The following ANKRD17 variants were observed in gnomAD, a reference collection of about 807,000 sequenced individuals.
The protein encoded by ANKRD17 is ankyrin repeat domain 17.
ANKRD17 carries 19 observed loss-of-function variants against 229.7 expected under a neutral mutation model. The observed-to-expected ratio is 0.08, with a 90% CI of 0.06 to 0.12. ANKRD17 has a LOEUF of 0.12. Among genes scored for constraint, ANKRD17 ranks in the 10% least tolerant of loss-of-function variants. ANKRD17 has a pLI of 1.00. For missense variants in ANKRD17, 2,176 were observed against 3,176.8 expected (o/e 0.68, Z 7.57); for synonymous variants, 1,112 against 1,146.1 (o/e 0.97, Z 0.60).
intron 29 of ANKRD17, among the ~76,000 whole-genome samples, chr4:73,089,317 C>T (rs1014349365): frequency 2.0e-5 from 3 of 151,706 alleles, no homozygotes; most frequent in African/African-American, 7.3e-5. Context: ...ATTACGGGCA[C>T]AAGCCACCGT....
At chr4:73,078,942 A>G (rs764674349) in intron 30 of ANKRD17, 52 bp from the exon 31 acceptor site, 19 of 1,524,040 alleles carry the variant, frequency 1.2e-5, no homozygotes, top group East Asian at 2.3e-5. Flanking sequence ...AGAACATGTA[A>G]TTTTATAAAA....
chr4:73,191,939 T>C (rs1361669655), intron 1 of ANKRD17, among the ~76,000 whole-genome samples: 1 of 152,080 alleles, frequency 6.6e-6, no homozygotes, highest in Non-Finnish European at 1.5e-5. Context: ...GTTCTTTTTA[T>C]TTTAACAGGA....
At chr4:73,232,125 G>T (rs1278187761) in intron 1 of ANKRD17, among the ~76,000 whole-genome samples, 1 of 152,156 alleles carries the variant, frequency 6.6e-6, no homozygotes, top group Non-Finnish European at 1.5e-5. Context: ...CTGATTTATA[G>T]GCCATGGGAC....
Position 73,168,028 on chromosome 4 carries a change from T to C in ANKRD17, c.548-6680A>G, listed in dbSNP as rs542257027. On this transcript the variant is annotated intron_variant, in intron 2 of 33. Coordinates refer to ENST00000358602, the MANE Select transcript of ANKRD17 (RefSeq NM_032217.5). ...TTAGCCAGGCATGGTGGCAGACGCCTGTAGTCCCAGCTACAGCAGGAGGCT... is the reference window on the plus strand; with the variant it reads ...TTAGCCAGGCATGGTGGCAGACGCCCGTAGTCCCAGCTACAGCAGGAGGCT... Among the ~76,000 whole-genome samples, 18 of 152,156 alleles carry C rather than the reference T, an allele frequency of 1.2e-4. No individual in the cohort carries two copies. The East Asian group carries it at 3.1e-3, about 26-fold the overall frequency.
chr4:73,152,773 C>A (rs1731169536), intron 6 of ANKRD17, among the ~76,000 whole-genome samples: 1 of 152,108 alleles, frequency 6.6e-6, no homozygotes, highest in African/African-American at 2.4e-5. Flanking sequence ...CACTCCAAGG[C>A]TTACCTCCTC....
intron 2 of ANKRD17, among the ~76,000 whole-genome samples, chr4:73,174,675 A>G (rs1047777188): frequency 2.0e-5 from 3 of 152,208 alleles, no homozygotes; most frequent in African/African-American, 7.2e-5. Context: ...ATTTGGAAAA[A>G]CCTAAAGACT....
chr4:73,211,847 C>CAAAAAAAAAAAAAAAAAAAAAAATAAAAA, intron 1 of ANKRD17, among the ~76,000 whole-genome samples: 1 of 49,750 alleles, frequency 2.0e-5, no homozygotes, highest in Non-Finnish European at 4.5e-5. Flanking sequence ...AACTCTGTCT[C>CAAAAAAAAAAAAAAAAAAAAAAATAAAAA]AAAAAAAAAA....
At chr4:73,174,729 A>C (rs982965851) in intron 2 of ANKRD17, among the ~76,000 whole-genome samples, 26 of 152,342 alleles carry the variant, frequency 1.7e-4, no homozygotes, top group African/African-American at 6.3e-4. Context: ...GCAAAGTTGC[A>C]GGAAACAAAT....
At position 73,212,597 on chromosome 4, in the gene ANKRD17, TA is replaced by T. The variant is rs908751224; in HGVS notation, c.394-35065del. ...AGAACAGAGAAACTGAGAAAGATAT[TA>T]AAAAAAAAAAGTACTTGTGCAGATG... is the stretch of plus-strand genomic sequence containing the variant. On this transcript the variant is annotated intron_variant, in intron 1 of 33. Transcript: ENST00000358602. Among the ~76,000 whole-genome samples, 56 of 145,116 alleles carry T rather than the reference TA, an allele frequency of 3.9e-4. No homozygotes were observed. In the Middle Eastern group the frequency reaches 0.01, roughly 27 times the overall value.
chr4:73,116,167 A>G (rs557048716), intron 22 of ANKRD17, among the ~76,000 whole-genome samples: 30 of 152,128 alleles, frequency 2.0e-4, no homozygotes, highest in Non-Finnish European at 3.7e-4. Flanking sequence ...GAATAAAAAA[A>G]ACAATAATCC....
At chr4:73,203,859 T>TCAAGAAAAA in intron 1 of ANKRD17, among the ~76,000 whole-genome samples, 1 of 151,684 alleles carries the variant, frequency 6.6e-6, no homozygotes, top group African/African-American at 2.4e-5. Context: ...TCCACAGTCT[T>TCAAGAAAAA]CAAGAAAAAC....
chr4:73,258,788 T>G lies in ANKRD17; in HGVS notation c.-120A>C. The stretch of plus-strand genomic sequence containing the variant: ...GCCGCCTCCGCCGCCACCGCCTCGG[T>G]CACCTCTACTGCCGCCGCCGCCGCC... On this transcript the variant is annotated 5_prime_UTR_variant, in exon 1 of 34. Coordinates refer to ENST00000358602, the MANE Select transcript of ANKRD17 (RefSeq NM_032217.5). The G allele has an allele frequency of 8.7e-7, 1 of 1,149,036 alleles. No homozygotes were observed. Among genetic ancestry groups the G allele is most frequent in the Non-Finnish European group, 1.1e-6 (1 of 936,310 alleles). The allele number at this position is 1,149,036 out of a possible 1,614,324, so 71.2% of individuals were successfully genotyped here.
At chr4:73,183,252 C>G (rs1404907740) in intron 1 of ANKRD17, among the ~76,000 whole-genome samples, 5 of 152,058 alleles carry the variant, frequency 3.3e-5, no homozygotes, top group Admixed American at 3.3e-4. Flanking sequence ...GACAAGAAAT[C>G]TGAATGTGAA....
At chr4:73,086,325 A>G (rs1335217674) in intron 29 of ANKRD17, among the ~76,000 whole-genome samples, 1 of 152,184 alleles carries the variant, frequency 6.6e-6, no homozygotes, top group Non-Finnish European at 1.5e-5. Context: ...TGTGAGAGAG[A>G]AAAAGAAGAG....
rs183266972 is a variant in ANKRD17 at position 73,103,493 on chromosome 4, T to A, written c.4402-946A>T. On this transcript the variant is annotated intron_variant, in intron 24 of 33. Transcript: ENST00000358602. ...GTAGGTTTAAAAGTCCAAAAATATA[T>A]CTTAATAAACTATTTTAACTGTTAA... Among the ~76,000 whole-genome samples, 4 of 152,304 alleles carry A rather than the reference T, an allele frequency of 2.6e-5. No individual in the cohort carries two copies. In the East Asian group the frequency reaches 5.8e-4, roughly 22 times the overall value.
At position 73,078,841 on chromosome 4, in the gene ANKRD17, G is replaced by T. The variant is rs758395665; in HGVS notation, c.7209C>A (p.Ala2403=). 1 of 1,614,140 alleles carries T rather than the reference G, an allele frequency of 6.2e-7. No individual in the cohort carries two copies. The highest frequency in any genetic ancestry group is 2.2e-5 in the East Asian group (1 of 44,862). ...VSSGVRAPSP[A]PSSVPLGSEK... ...CTGACCCTAACGGTACTGATGATGG[G>T]GCAGGAGATGGTGCACGAACTCCCG... is the stretch of plus-strand genomic sequence containing the variant. The change falls in exon 31 of 34, where the codon GCC becomes GCA. Residue 2403 remains alanine (A), a synonymous_variant. Transcript: ENST00000358602.
chr4:73,086,665 G>A (rs1415091379), intron 29 of ANKRD17, among the ~76,000 whole-genome samples: 3 of 150,278 alleles, frequency 2.0e-5, no homozygotes, highest in South Asian at 4.2e-4. Flanking sequence ...CATAGCTCAC[G>A]GTAGCCACAA....
intron 1 of ANKRD17, among the ~76,000 whole-genome samples, chr4:73,218,784 A>C (rs1349792475): frequency 6.6e-6 from 1 of 152,050 alleles, no homozygotes; most frequent in Non-Finnish European, 1.5e-5. Context: ...AAGGTACTCA[A>C]TAAATGCAGT....
rs930269254 is a variant in ANKRD17 at position 73,155,775 on chromosome 4, A to G, written c.856T>C (p.Leu286=). Residue 286 remains leucine, a synonymous_variant, in exon 5 of 34, where the codon TTG becomes CTG. Transcript: ENST00000358602. ...SAGYYELAQV[L]LAMHANVEDR... is the part of the protein sequence containing the mutation. Reference sequence around the variant, plus strand: ...TCCACATTTGCATGCATTGCCAACAAAACCTTATGAGAGAAAAATAGTTTA... The same window carrying G: ...TCCACATTTGCATGCATTGCCAACAGAACCTTATGAGAGAAAAATAGTTTA... The G allele has an allele frequency of 1.2e-6, 2 of 1,613,696 alleles. No homozygotes were observed. Among genetic ancestry groups the G allele is most frequent in the African/African-American group, 2.7e-5 (2 of 74,918 alleles).
Sources: allele counts gnomAD v4.1 joint callset (sites outside exome capture counted in the v4.1 genomes callset), GRCh38; gene constraint gnomAD v4.1.1; transcripts MANE v1.5; gene names NCBI Gene and HGNC (gene_info 2026-07-23, HGNC 2026-07-21).